The following PRKDC variants were observed in gnomAD, a reference collection of about 807,000 sequenced individuals.
The protein encoded by PRKDC is DNA-dependent protein kinase catalytic subunit.
Under a neutral mutation model 486.9 loss-of-function variants are expected in PRKDC, and 82 were observed. The observed-to-expected ratio is 0.17, with a 90% CI of 0.14 to 0.20. PRKDC has a LOEUF of 0.20. Among genes scored for constraint, PRKDC ranks in the 10% least tolerant of loss-of-function variants. The pLI is 1.00. For missense variants in PRKDC, 4,504 were observed against 5,038.2 expected (o/e 0.89, Z 3.21); for synonymous variants, 1,895 against 1,837.0 (o/e 1.03, Z -0.81).
chr8:47,864,422 C>T (rs1293081318), intron 41 of PRKDC, 134 bp downstream of exon 41: 6 of 750,102 alleles, frequency 8.0e-6, no homozygotes, highest in African/African-American at 1.8e-5. Flanking sequence ...AAGGCAGATC[C>T]CATGTAGCCA....
chr8:47,804,633 C>T (rs910181399), intron 69 of PRKDC, among the ~76,000 whole-genome samples: 1 of 152,122 alleles, frequency 6.6e-6, no homozygotes, highest in African/African-American at 2.4e-5. Flanking sequence ...TTGTTTCCAC[C>T]TTTCCAGCTA....
intron 25 of PRKDC, among the ~76,000 whole-genome samples, chr8:47,908,082 A>C (rs1369284793): frequency 6.6e-6 from 1 of 152,258 alleles, no homozygotes; most frequent in Non-Finnish European, 1.5e-5. Flanking sequence ...CTGCTAGGCC[A>C]GGACTGTGGT....
chr8:47,836,279 A>T, intron 58 of PRKDC, 59 bp downstream of exon 58: 2 of 1,386,260 alleles, frequency 1.4e-6, no homozygotes, highest in Non-Finnish European at 1.9e-6. Context: ...GTTGTGACAG[A>T]AGCTGCCCAC....
At chr8:47,923,311 CAA>C (rs541036278) in intron 21 of PRKDC, among the ~76,000 whole-genome samples, 6 of 152,146 alleles carry the variant, frequency 3.9e-5, no homozygotes, top group African/African-American at 1.4e-4. Context: ...GTGATCCACC[CAA>C]GTTATGGGAT....
chr8:47,910,743 C>A (rs2089885490), intron 25 of PRKDC, among the ~76,000 whole-genome samples: 1 of 152,078 alleles, frequency 6.6e-6, no homozygotes, highest in South Asian at 2.1e-4. Context: ...ACGTTTTTTT[C>A]AATAATGACT....
Position 47,782,431 on chromosome 8 carries a change from G to A in PRKDC, c.11343C>T (p.Cys3781=), listed in dbSNP as rs368860959. Residue 3781 remains cysteine, a synonymous_variant, in exon 79 of 86, where the codon TGC becomes TGT. Coordinates refer to ENST00000314191, the MANE Select transcript of PRKDC (RefSeq NM_006904.7). This position sits in a 1 kb window ranked among gnomAD's most constrained non-coding sequence, Gnocchi z 4.9. ...MNGILAQDSA[C]SQRALQLRTY... ...TCCTCAGCTGCAGGGCCCTCTGGCTGCAGGCGGAGTCTTGGGCCAGGATCC... is the reference window on the plus strand; with the variant it reads ...TCCTCAGCTGCAGGGCCCTCTGGCTACAGGCGGAGTCTTGGGCCAGGATCC... 53 of 1,600,322 alleles carry A rather than the reference G, an allele frequency of 3.3e-5. No homozygotes were observed. The African/African-American group carries it at 6.8e-4, about 21-fold the overall frequency.
intron 40 of PRKDC, among the ~76,000 whole-genome samples, chr8:47,865,381 CAAA>C (rs1193206075): frequency 9.2e-6 from 1 of 108,798 alleles, no homozygotes; most frequent in Non-Finnish European, 2.0e-5. Context: ...GACTCCGTCT[CAAA>C]AAAAAAAAAA....
At position 47,858,534 on chromosome 8, in the gene PRKDC, A is replaced by G; in HGVS notation, c.6447T>C (p.Leu2149=). 6.6e-7 allele frequency: 1 copy of G among 1,519,900 alleles called. No homozygotes were observed. The highest frequency in any genetic ancestry group is 8.9e-7 in the Non-Finnish European group (1 of 1,121,626). The allele number at this position is 1,519,900 out of a possible 1,614,324, so 94.2% of individuals were successfully genotyped here. A position where few individuals can be genotyped will look rare whatever the true frequency, so the allele number is the denominator to read the frequency against. ...PLNIRLFLAK[L]VINTEEVFRP... ...TACTTACCTCTTCTGTATTAATAAC[A>G]AGCTTGGCTAAGAAGAGACGGATAT... The change falls in exon 48 of 86, where the codon CTT becomes CTC. Residue 2149 remains leucine (L), a synonymous_variant. Transcript: ENST00000314191.
At position 47,933,025 on chromosome 8, in the gene PRKDC, G is replaced by T; in HGVS notation, c.1771C>A (p.Gln591Lys). The change falls in exon 16 of 86, where the codon CAA (glutamine) becomes AAA (lysine). Residue 591 changes from glutamine (Q) to lysine (K), a missense_variant. By Grantham distance (53) the Gln-to-Lys change is moderately conservative. Around this residue, in one of 6 missense-constraint regions of PRKDC, gnomAD observed 1,969 missense variants for 2,068.9 expected, o/e 0.95. Transcript: ENST00000314191. ...TACTGATAAAAATTTCTAACCTCTT[G>T]TTCCCCAACAGTCTGTATTTCAAGT... ...LTLEIQTVGEQENGDEAPGVW... is the reference protein window; with the variant it reads ...LTLEIQTVGEKENGDEAPGVW... 6.3e-7 allele frequency: 1 copy of T among 1,585,466 alleles called. No homozygotes were observed. The highest frequency in any genetic ancestry group is 1.2e-5 in the South Asian group (1 of 83,340).
intron 68 of PRKDC, among the ~76,000 whole-genome samples, chr8:47,807,720 C>T (rs929328045): frequency 2.1e-5 from 3 of 145,230 alleles, no homozygotes; most frequent in Non-Finnish European, 4.5e-5. Flanking sequence ...ACCCGGCCTA[C>T]TTATTTTTTT....
At chr8:47,838,266 A>C (rs1345417351) in intron 56 of PRKDC, among the ~76,000 whole-genome samples, 1 of 152,248 alleles carries the variant, frequency 6.6e-6, no homozygotes, top group Non-Finnish European at 1.5e-5. Flanking sequence ...ATGAATTTAA[A>C]ATTATAGCAG....
chr8:47,821,844 A>C (rs908157388), intron 64 of PRKDC, 52 bp from the exon 65 acceptor site: 43 of 1,407,022 alleles, frequency 3.1e-5, no homozygotes, highest in Non-Finnish European at 4.0e-5. Flanking sequence ...AAGAATACCA[A>C]TGAGAACACG....
Position 47,779,023 on chromosome 8 carries a change from C to T in PRKDC, c.11560G>A (p.Ala3854Thr), listed in dbSNP as rs1413982668. The T allele has an allele frequency of 6.3e-7, 1 of 1,598,998 alleles. No individual in the cohort carries two copies. Among genetic ancestry groups the T allele is most frequent in the Non-Finnish European group, 8.5e-7 (1 of 1,172,406 alleles). The change falls in exon 81 of 86, where the codon GCT becomes ACT. Residue 3854 changes from alanine (A) to threonine (T), a missense_variant. Ala to Thr is a moderately conservative substitution (Grantham distance 58). This residue lies in a region of PRKDC where 706 missense variants were observed against 945.0 expected (regional missense o/e 0.75). Coordinates refer to ENST00000314191, the MANE Select transcript of PRKDC (RefSeq NM_006904.7). Reference protein sequence around the residue: ...TKMSGKHDVGAYMLMYKGANR... With the variant: ...TKMSGKHDVGTYMLMYKGANR... ...ACTTACTTATACATTAGCATGTAAGCTCCAACATCATGTTTTCCTGACATT... is the reference window on the plus strand; with the variant it reads ...ACTTACTTATACATTAGCATGTAAGTTCCAACATCATGTTTTCCTGACATT...
At chr8:47,791,923 G>A (rs1167524449) in intron 74 of PRKDC, among the ~76,000 whole-genome samples, 1 of 152,126 alleles carries the variant, frequency 6.6e-6, no homozygotes, top group Non-Finnish European at 1.5e-5. Flanking sequence ...ATTCACAACG[G>A]CCAAAATTTG....
At chr8:47,852,088 C>G (rs1027611256) in intron 52 of PRKDC, among the ~76,000 whole-genome samples, 3 of 152,182 alleles carry the variant, frequency 2.0e-5, no homozygotes, top group Non-Finnish European at 4.4e-5. Flanking sequence ...TGCACTCCAG[C>G]CCAGGTGACA....
intron 40 of PRKDC, among the ~76,000 whole-genome samples, chr8:47,875,747 C>T (rs1191708878): frequency 1.3e-5 from 2 of 152,166 alleles, no homozygotes; most frequent in African/African-American, 2.4e-5. Flanking sequence ...TCTAATTTAA[C>T]TTCACTTTGG....
intron 28 of PRKDC, 29 bp downstream of exon 28, chr8:47,900,344 C>T (rs375131960): frequency 3.6e-5 from 55 of 1,543,092 alleles, no homozygotes; most frequent in African/African-American, 2.8e-4. Flanking sequence ...AGACCTGTAA[C>T]GCACACAGAA....
chr8:47,861,300 G>C (rs999991126), intron 44 of PRKDC, among the ~76,000 whole-genome samples: 2 of 152,126 alleles, frequency 1.3e-5, no homozygotes, highest in African/African-American at 4.8e-5. Flanking sequence ...TTCAAATCTA[G>C]TTATGATATA....
rs771264909 is a variant in PRKDC at position 47,800,968 on chromosome 8, C to T, written c.9941G>A (p.Ser3314Asn). The T allele has an allele frequency of 6.2e-6, 10 of 1,613,772 alleles. No individual in the cohort carries two copies. The highest frequency in any genetic ancestry group is 8.5e-6 in the Non-Finnish European group (10 of 1,179,832). ...VSLLDENNVS[S>N]YLSKNILAFR... ...AGCCAGAATATTTTTGCTTAAGTAG[C>T]TTGACACGTTGTTCTCATCTGTTGG... Residue 3314 changes from serine to asparagine, a missense_variant, in exon 71 of 86, where the codon AGC becomes AAC. This residue lies in a region of PRKDC where 1,592 missense variants were observed against 1,724.6 expected (regional missense o/e 0.92). Coordinates refer to ENST00000314191, the MANE Select transcript of PRKDC (RefSeq NM_006904.7).
Sources: allele counts gnomAD v4.1 joint callset (sites outside exome capture counted in the v4.1 genomes callset), GRCh38; gene constraint gnomAD v4.1.1; regional missense constraint gnomAD v4.1.1; non-coding constraint Gnocchi (gnomAD v3.1); transcripts MANE v1.5; gene names NCBI Gene and HGNC (gene_info 2026-07-23, HGNC 2026-07-21).